NELL1: variants seen among roughly 807,000 people sequenced by gnomAD.
NELL1 encodes neural EGFL like 1.
In NELL1, 76 loss-of-function variants were observed where a neutral mutation model predicts 107.4. The observed-to-expected ratio is 0.71, with a 90% CI of 0.59 to 0.86. The LOEUF (loss-of-function observed/expected upper bound fraction) is 0.86, where lower values mean the gene tolerates loss of function less well. Ranked by LOEUF, NELL1 falls within the 40% of genes least tolerant of loss-of-function variation. NELL1 has a pLI of 0.00. For synonymous variants in NELL1, 353 were observed against 341.2 expected, an observed-to-expected ratio of 1.03 and a Z score of -0.38; for missense variants, 1,024 against 1,005.5, an observed-to-expected ratio of 1.02 and a Z score of -0.25.
intron 4 of NELL1, among the ~76,000 whole-genome samples, chr11:20,863,372 C>T (rs1191191527): frequency 2.9e-4 from 23 of 79,166 alleles, no homozygotes; most frequent in South Asian, 1.9e-3. Context: ...GGGCTGCCCC[C>T]CACCTCCCTC....
At chr11:21,050,926 C>A (rs1853476821) in intron 12 of NELL1, among the ~76,000 whole-genome samples, 1 of 152,108 alleles carries the variant, frequency 6.6e-6, no homozygotes, top group Admixed American at 6.6e-5. Flanking sequence ...GTTGTCCTAG[C>A]TGCTGAGGTT....
intron 15 of NELL1, among the ~76,000 whole-genome samples, chr11:21,460,504 T>C (rs1249452203): frequency 6.6e-6 from 1 of 152,134 alleles, no homozygotes; most frequent in Non-Finnish European, 1.5e-5. Flanking sequence ...ATCGTTGGCT[T>C]GAGGTAGCTA....
chr11:21,200,388 AATGACGAGTG>A (rs1319744695), intron 13 of NELL1, among the ~76,000 whole-genome samples: 1 of 152,084 alleles, frequency 6.6e-6, no homozygotes, highest in Non-Finnish European at 1.5e-5. Flanking sequence ...GCATTTCTCT[AATGACGAGTG>A]ATGATGAGCT....
intron 3 of NELL1, among the ~76,000 whole-genome samples, chr11:20,786,875 G>A (rs955998171): frequency 3.3e-5 from 5 of 151,878 alleles, no homozygotes; most frequent in African/African-American, 1.2e-4. Context: ...GGGCATGGTG[G>A]CGGGCGCCTG....
intron 14 of NELL1, among the ~76,000 whole-genome samples, chr11:21,296,078 A>G (rs1169241453): frequency 6.6e-6 from 1 of 152,040 alleles, no homozygotes; most frequent in East Asian, 1.9e-4. Context: ...AGAGAGAGAA[A>G]ATATTGTATA....
intron 12 of NELL1, among the ~76,000 whole-genome samples, chr11:21,010,332 A>G (rs1231045570): frequency 6.6e-6 from 1 of 151,944 alleles, no homozygotes; most frequent in Non-Finnish European, 1.5e-5. Context: ...CCTTTCTCTT[A>G]TAGTGAGGAT....
At chr11:21,549,897 G>A (rs920986853) in intron 16 of NELL1, among the ~76,000 whole-genome samples, 13 of 151,810 alleles carry the variant, frequency 8.6e-5, no homozygotes, top group Non-Finnish European at 1.9e-4. Flanking sequence ...ATGACTGGGT[G>A]TTTTAGAGGG....
intron 15 of NELL1, among the ~76,000 whole-genome samples, chr11:21,515,827 G>A (rs1161898120): frequency 2.6e-5 from 4 of 152,166 alleles, no homozygotes; most frequent in Non-Finnish European, 1.5e-5. Flanking sequence ...GGAGGAAGTT[G>A]GCAGCTGAAC....
chr11:20,931,553 C>A (rs1055713788), intron 9 of NELL1, among the ~76,000 whole-genome samples: 1 of 151,982 alleles, frequency 6.6e-6, no homozygotes, highest in Non-Finnish European at 1.5e-5. Flanking sequence ...AATATGCATA[C>A]CTTTTGTCAG....
chr11:20,867,256 T>C (rs975440589), intron 4 of NELL1, among the ~76,000 whole-genome samples: 3 of 152,196 alleles, frequency 2.0e-5, no homozygotes, highest in African/African-American at 7.2e-5. Context: ...TCTCAATGGT[T>C]TCCTTTTGCT....
chr11:21,314,736 A>T (rs932330007), intron 14 of NELL1, among the ~76,000 whole-genome samples: 3 of 152,216 alleles, frequency 2.0e-5, no homozygotes, highest in African/African-American at 7.2e-5. Flanking sequence ...ATTTAGCCTT[A>T]TACTTAAGAG....
At chr11:20,786,267 T>A (rs1856953700) in intron 3 of NELL1, among the ~76,000 whole-genome samples, 1 of 150,604 alleles carries the variant, frequency 6.6e-6, no homozygotes, top group Non-Finnish European at 1.5e-5. Flanking sequence ...GGAGAATCGC[T>A]TGAACTCAGG....
At chr11:21,261,965 C>T (rs975637837) in intron 14 of NELL1, among the ~76,000 whole-genome samples, 1 of 151,834 alleles carries the variant, frequency 6.6e-6, no homozygotes, top group African/African-American at 2.4e-5. Flanking sequence ...TTACACACCT[C>T]TCCACATATC....
At chr11:21,308,911 A>G (rs1265821000) in intron 14 of NELL1, among the ~76,000 whole-genome samples, 1 of 151,954 alleles carries the variant, frequency 6.6e-6, no homozygotes, top group Non-Finnish European at 1.5e-5. Context: ...ATCAAAAGGA[A>G]AAGAGTTTAG....
chr11:21,370,998 T>A (rs913908366), intron 15 of NELL1, 50 bp downstream of exon 15: 11 of 1,344,020 alleles, frequency 8.2e-6, no homozygotes, highest in Non-Finnish European at 1.1e-5. Flanking sequence ...GGTAGAAAGA[T>A]TGATTCAGAA....
intron 2 of NELL1, among the ~76,000 whole-genome samples, chr11:20,760,109 T>G (rs535458922): frequency 6.6e-6 from 1 of 152,174 alleles, no homozygotes; most frequent in African/African-American, 2.4e-5. Flanking sequence ...TCAGAACATA[T>G]AGCGGCTATA....
intron 12 of NELL1, among the ~76,000 whole-genome samples, chr11:20,996,640 G>T (rs1362475858): frequency 6.6e-6 from 1 of 152,118 alleles, no homozygotes; most frequent in Non-Finnish European, 1.5e-5. Context: ...CCCATATCAG[G>T]AGTTCAGGGA....
intron 12 of NELL1, among the ~76,000 whole-genome samples, chr11:21,109,503 G>A (rs1414093658): frequency 6.6e-6 from 1 of 152,108 alleles, no homozygotes; most frequent in African/African-American, 2.4e-5. Flanking sequence ...GCTTCTGGAT[G>A]AATATGACCA....
chr11:21,173,136 T>C (rs540298373), intron 13 of NELL1, among the ~76,000 whole-genome samples: 3 of 151,938 alleles, frequency 2.0e-5, no homozygotes, highest in African/African-American at 7.3e-5. Flanking sequence ...AAAAATTTGA[T>C]TTACCTACAA....
Sources: gnomAD v4.1 joint callset for allele counts (sites outside exome capture counted in the v4.1 genomes callset) on GRCh38, gnomAD v4.1.1 for gene constraint, MANE v1.5 for transcripts, NCBI Gene and HGNC (gene_info 2026-07-23, HGNC 2026-07-21) for gene names.